ESRRG: variants seen among roughly 807,000 people sequenced by gnomAD.
The protein encoded by ESRRG is estrogen-related receptor gamma.
A neutral mutation model predicts 44.0 loss-of-function variants in ESRRG; 13 were observed. That is an observed-to-expected ratio of 0.30 (90% CI 0.19 to 0.47). The LOEUF is 0.47. Ranked by LOEUF, ESRRG falls within the 20% of genes least tolerant of loss-of-function variation. The pLI is 1.00. For missense variants in ESRRG, 395 were observed against 580.6 expected, an observed-to-expected ratio of 0.68 and a Z score of 3.29; for synonymous variants, 215 against 214.6, an observed-to-expected ratio of 1.00 and a Z score of -0.02.
intron 5 of ESRRG, among the ~76,000 whole-genome samples, chr1:216,533,888 G>C (rs866925905): frequency 6.6e-6 from 1 of 152,028 alleles, no homozygotes; most frequent in Non-Finnish European, 1.5e-5. Flanking sequence ...TGTAATAAAG[G>C]CCATGTAATT....
At chr1:216,779,264 TATA>T (rs2093766407) in intron 2 of ESRRG, among the ~76,000 whole-genome samples, 1 of 40,932 alleles carries the variant, frequency 2.4e-5, no homozygotes, top group Non-Finnish European at 3.9e-5. Flanking sequence ...TAAATATAAA[TATA>T]TATTTATATT....
At chr1:217,031,723 C>T (rs937581045) in intron 1 of ESRRG, among the ~76,000 whole-genome samples, 2 of 152,154 alleles carry the variant, frequency 1.3e-5, no homozygotes, top group Non-Finnish European at 2.9e-5. Flanking sequence ...CACAGTTTCC[C>T]CCATGCCATT....
chr1:216,626,844 T>C lies in ESRRG; in HGVS notation c.589+24129A>G, dbSNP rs113794780. 3.5e-3 allele frequency among the ~76,000 whole-genome samples: 527 copies of C among 152,304 alleles called. 1 individual carries two copies. Among genetic ancestry groups the C allele is most frequent in the African/African-American group, 0.012 (509 of 41,562 alleles). On this transcript the variant is annotated intron_variant, in intron 3 of 6. Transcript: ENST00000408911. ...GCAGTCTGACTCATTGTTCTAAAAA[T>C]GAGAGAGTCAGGGCATAGATAGCCA...
At chr1:216,670,637 C>T (rs905692377) in intron 2 of ESRRG, among the ~76,000 whole-genome samples, 2 of 152,174 alleles carry the variant, frequency 1.3e-5, no homozygotes, top group South Asian at 2.1e-4. Flanking sequence ...AGGGCCTGAG[C>T]GGGACTCTCT....
At chr1:217,101,419 T>G (rs1320117400) in intron 1 of ESRRG, among the ~76,000 whole-genome samples, 1 of 152,226 alleles carries the variant, frequency 6.6e-6, no homozygotes, top group Non-Finnish European at 1.5e-5. Context: ...GACACATGTG[T>G]TAATGATCCT....
intron 2 of ESRRG, among the ~76,000 whole-genome samples, chr1:216,900,385 G>C (rs996858544): frequency 2.6e-5 from 4 of 152,188 alleles, no homozygotes; most frequent in African/African-American, 4.8e-5. Flanking sequence ...CAGAAGCATG[G>C]AGGAAGATAT....
intron 1 of ESRRG, among the ~76,000 whole-genome samples, chr1:217,027,451 G>A (rs181129298): frequency 1.6e-3 from 248 of 152,190 alleles, no homozygotes; most frequent in African/African-American, 5.8e-3. Context: ...ATTAGAAATC[G>A]AGTTAAATCT....
intron 2 of ESRRG, among the ~76,000 whole-genome samples, chr1:216,931,590 A>G (rs970382508): frequency 4.6e-5 from 7 of 151,662 alleles, no homozygotes; most frequent in Non-Finnish European, 8.8e-5. Flanking sequence ...CCGCCTCCCA[A>G]CTGGCCCAAT....
chr1:217,055,622 T>C (rs893302961), intron 1 of ESRRG, among the ~76,000 whole-genome samples: 3 of 152,144 alleles, frequency 2.0e-5, no homozygotes, highest in Non-Finnish European at 2.9e-5. Flanking sequence ...ATGTTCCTCA[T>C]AGACAAAGAA....
At chr1:217,042,071 C>T (rs1217854066) in intron 1 of ESRRG, among the ~76,000 whole-genome samples, 1 of 152,076 alleles carries the variant, frequency 6.6e-6, no homozygotes, top group Non-Finnish European at 1.5e-5. Context: ...TTGAAAGAAC[C>T]CATCACTCTA....
At chr1:216,809,252 G>C (rs1405915699) in intron 2 of ESRRG, among the ~76,000 whole-genome samples, 1 of 147,880 alleles carries the variant, frequency 6.8e-6, no homozygotes, top group Non-Finnish European at 1.5e-5. Context: ...AAGGCTGTTT[G>C]GTGTTTTTAT....
rs77601274 is a variant in ESRRG at position 216,975,104 on chromosome 1, G to T, written c.-105-35431C>A. Among the ~76,000 whole-genome samples, 171 of 152,208 alleles carry T rather than the reference G, an allele frequency of 1.1e-3. 1 individual carries two copies. The highest frequency in any genetic ancestry group is 2.9e-3 in the Admixed American group (44 of 15,268). ...TTTTGTTACTTTTGTTGATTCTGCA[G>T]CAAAGCCAGTTAACGTTGTTATTAT... On this transcript the variant is annotated intron_variant, in intron 1 of 7. Coordinates refer to the ESRRG transcript ENST00000359162.
At chr1:216,562,112 G>T (rs1309045744) in intron 5 of ESRRG, among the ~76,000 whole-genome samples, 2 of 152,066 alleles carry the variant, frequency 1.3e-5, no homozygotes, top group Non-Finnish European at 2.9e-5. Context: ...AGAAATTGTT[G>T]ACTTTTATTG....
rs147292541 is a variant in ESRRG at position 216,559,057 on chromosome 1, A to C, written c.862+5162T>G. Among the ~76,000 whole-genome samples the C allele has an allele frequency of 5.7e-3, 864 of 152,052 alleles. 6 individuals carry two copies. The highest frequency in any genetic ancestry group is 0.019 in the African/African-American group (794 of 41,500). On this transcript the variant is annotated intron_variant, in intron 5 of 6. Transcript: ENST00000408911. ...GATAATTTTTATACTTTTAGTAGAG[A>C]CGGGGTTTTGCCATGTTGGCCAGCC...
In ESRRG at chr1:217,113,501, C is replaced by T. The variant is rs541173936; in HGVS notation, c.-230+24166G>A. ...ATCATTTTCAAGGAACTACTCCTCT[C>T]CCCAGGAGCCCATCCACATATGGAC... On this transcript the variant is annotated intron_variant, in intron 1 of 8. Coordinates refer to the ESRRG transcript ENST00000366940. 7.2e-5 allele frequency among the ~76,000 whole-genome samples: 11 copies of T among 152,268 alleles called. No homozygotes were observed. The South Asian group carries it at 2.3e-3, about 32-fold the overall frequency.
chr1:216,902,831 G>T (rs930707435), intron 2 of ESRRG, among the ~76,000 whole-genome samples: 1 of 152,174 alleles, frequency 6.6e-6, no homozygotes, highest in African/African-American at 2.4e-5. Flanking sequence ...CATAGCATTG[G>T]ATCTGCCAGC....
intron 1 of ESRRG, among the ~76,000 whole-genome samples, chr1:217,133,645 CTCTT>C (rs59600886): frequency 4.4e-4 from 40 of 91,806 alleles, no homozygotes; most frequent in African/African-American, 1.1e-3. Flanking sequence ...CTCTCTCTCT[CTCTT>C]TCTTTCTTTC....
chr1:216,503,437 A>C lies in ESRRG; in HGVS notation c.*3502T>G, dbSNP rs1381872006. ...TGCTGGAGCACACAGTATGGTACAC[A>C]TCACAAAAATATACAATTGATTGCT... On this transcript the variant is annotated 3_prime_UTR_variant, in exon 7 of 7. Transcript: ENST00000408911. The C allele has an allele frequency of 6.6e-6, 1 of 152,618 alleles. No homozygotes were observed. The highest frequency in any genetic ancestry group is 1.9e-4 in the East Asian group (1 of 5,186). 9.5% of individuals were successfully genotyped at this position (152,618 alleles called of 1,614,324 possible). A position where few individuals can be genotyped will look rare whatever the true frequency, so the allele number is the denominator to read the frequency against.
At chr1:216,679,572 CA>C (rs1271518215) in intron 1 of ESRRG, among the ~76,000 whole-genome samples, 1 of 151,790 alleles carries the variant, frequency 6.6e-6, no homozygotes, top group Non-Finnish European at 1.5e-5. Context: ...ACAGCTATGA[CA>C]ATTAACTCTT....
Sources: gnomAD v4.1 joint callset for allele counts (sites outside exome capture counted in the v4.1 genomes callset) on GRCh38, gnomAD v4.1.1 for gene constraint, MANE v1.5 for transcripts, NCBI Gene and HGNC (gene_info 2026-07-23, HGNC 2026-07-21) for gene names.